WWOX: variants seen among roughly 807,000 people sequenced by gnomAD.
The protein encoded by WWOX is WW domain containing oxidoreductase, also known as WW domain-containing oxidoreductase.
Under a neutral mutation model 46.2 loss-of-function variants are expected in WWOX, and 69 were observed. That is an observed-to-expected ratio of 1.49 (90% CI 1.23 to 1.82). The LOEUF is 1.82. WWOX is among the 40% of genes most tolerant of loss of function. The pLI, the probability that WWOX is intolerant of heterozygous loss-of-function variation, is 0.00. For missense variants in WWOX, 919 were observed against 542.6 expected (o/e 1.69, Z -6.89); for synonymous variants, 359 against 202.6 (o/e 1.77, Z -6.56).
rs1329114467 is a variant in WWOX at position 78,348,291 on chromosome 16, G to A, written c.517-38569G>A. ...GAGAAGCTGGAATTTGAAAGGTTAC[G>A]TACAAGTCAAGCTGCCTCTGTAATG... On this transcript the variant is annotated intron_variant, in intron 5 of 8. Coordinates refer to ENST00000566780, the MANE Select transcript of WWOX (RefSeq NM_016373.4). Among the ~76,000 whole-genome samples the A allele has an allele frequency of 1.5e-4, 18 of 120,910 alleles. 5 individuals are homozygous for A. Among genetic ancestry groups the A allele is most frequent in the African/African-American group, 5.0e-4 (18 of 35,700 alleles). 79.3% of individuals were successfully genotyped at this position (120,910 alleles called of 152,430 possible). A position where few individuals can be genotyped will look rare whatever the true frequency, so the allele number is the denominator to read the frequency against.
chr16:78,659,435 C>A (rs1006079412), intron 8 of WWOX, among the ~76,000 whole-genome samples: 5 of 152,108 alleles, frequency 3.3e-5, no homozygotes, highest in African/African-American at 1.2e-4. Flanking sequence ...CGCCAGACTT[C>A]CTGAACCAGA....
chr16:78,594,665 G>C (rs976489844), intron 8 of WWOX, among the ~76,000 whole-genome samples: 1 of 152,018 alleles, frequency 6.6e-6, no homozygotes, highest in Non-Finnish European at 1.5e-5. Context: ...TCTCAGGGCA[G>C]CGTGGGACCT....
At chr16:78,665,440 A>G (rs963202411) in intron 8 of WWOX, among the ~76,000 whole-genome samples, 2 of 152,280 alleles carry the variant, frequency 1.3e-5, no homozygotes, top group South Asian at 2.1e-4. Context: ...ATCTGGGCAC[A>G]TGGGAAGGCC....
intron 5 of WWOX, among the ~76,000 whole-genome samples, chr16:78,337,724 G>A (rs1005456791): frequency 8.3e-6 from 1 of 121,132 alleles, no homozygotes; most frequent in African/African-American, 2.7e-5. Context: ...TTAGGCTAGA[G>A]GATCTCAGTG....
intron 5 of WWOX, among the ~76,000 whole-genome samples, chr16:78,174,374 A>G (rs1270929005): frequency 6.6e-6 from 1 of 152,096 alleles, no homozygotes; most frequent in Non-Finnish European, 1.5e-5. Flanking sequence ...ACCGGCCCCC[A>G]TGATTCAATT....
intron 8 of WWOX, among the ~76,000 whole-genome samples, chr16:78,985,404 T>C (rs1209303260): frequency 6.6e-6 from 1 of 152,078 alleles, no homozygotes; most frequent in Non-Finnish European, 1.5e-5. Flanking sequence ...AGGGTCCCCG[T>C]GCCATGAATC....
At chr16:79,074,263 C>G (rs2048607965) in intron 8 of WWOX, among the ~76,000 whole-genome samples, 1 of 151,884 alleles carries the variant, frequency 6.6e-6, no homozygotes, top group Non-Finnish European at 1.5e-5. Flanking sequence ...CATCCAGCCC[C>G]AAATGTCAGG....
chr16:78,978,703 G>C (rs2046620372), intron 8 of WWOX, among the ~76,000 whole-genome samples: 1 of 152,140 alleles, frequency 6.6e-6, no homozygotes, highest in Non-Finnish European at 1.5e-5. Context: ...GAGCAACAGA[G>C]AGCGACTGGG....
chr16:78,339,791 C>A (rs28725364), intron 5 of WWOX, among the ~76,000 whole-genome samples: 13,076 of 115,100 alleles, frequency 0.11, 3,977 homozygotes, highest in African/African-American at 0.34. Flanking sequence ...CCCTTGTGAC[C>A]GCTGTTCTCT....
chr16:79,005,786 C>A lies in WWOX; in HGVS notation c.1057-205822C>A, dbSNP rs2047178602. Among the ~76,000 whole-genome samples, 3 of 152,284 alleles carry A rather than the reference C, an allele frequency of 2.0e-5. No homozygotes were observed. In the South Asian group the frequency reaches 6.2e-4, roughly 32 times the overall value. On this transcript the variant is annotated intron_variant, in intron 8 of 8. Transcript: ENST00000566780. ...CCAAATAAGGTCACATTCTGAGGCC[C>A]TGGGTGGACATGCATTTTAGGGACC... is the stretch of plus-strand genomic sequence containing the variant.
intron 8 of WWOX, among the ~76,000 whole-genome samples, chr16:78,634,319 C>G (rs1204506670): frequency 6.6e-6 from 1 of 152,124 alleles, no homozygotes; most frequent in East Asian, 1.9e-4. Flanking sequence ...TACGCTTCAG[C>G]TCTTATTTTT....
At chr16:78,589,668 A>G (rs185652116) in intron 8 of WWOX, among the ~76,000 whole-genome samples, 1 of 152,326 alleles carries the variant, frequency 6.6e-6, no homozygotes, top group Admixed American at 6.5e-5. Context: ...TTGGGTGATA[A>G]AATACCTGGA....
chr16:78,892,524 G>T (rs912186662), intron 8 of WWOX, among the ~76,000 whole-genome samples: 31 of 152,204 alleles, frequency 2.0e-4, no homozygotes, highest in African/African-American at 7.5e-4. Context: ...GTCAAGAAGT[G>T]GGAGCTGGAC....
chr16:78,636,340 A>G (rs1006958827), intron 8 of WWOX, among the ~76,000 whole-genome samples: 2 of 152,116 alleles, frequency 1.3e-5, no homozygotes, highest in African/African-American at 4.8e-5. Context: ...CTTTGAATAA[A>G]CCAAGTTTGG....
In WWOX at chr16:78,778,455, G is replaced by T. The variant is rs891473195; in HGVS notation, c.1056+345703G>T. Among the ~76,000 whole-genome samples the T allele has an allele frequency of 5.3e-5, 8 of 152,208 alleles. No homozygotes were observed. The South Asian group carries it at 6.2e-4, about 12-fold the overall frequency. ...CAGTATGATTGATGCATGTGTTGTT[G>T]ACTGGGATGTCACATGTTCAGGCTG... On this transcript the variant is annotated intron_variant, in intron 8 of 8. Coordinates refer to ENST00000566780, the MANE Select transcript of WWOX (RefSeq NM_016373.4).
At chr16:78,865,559 G>T (rs2043985372) in intron 8 of WWOX, among the ~76,000 whole-genome samples, 1 of 152,098 alleles carries the variant, frequency 6.6e-6, no homozygotes, top group Non-Finnish European at 1.5e-5. Context: ...AATGAATTGA[G>T]GCAAGGTAGG....
At chr16:78,981,544 T>A (rs1300930035) in intron 8 of WWOX, among the ~76,000 whole-genome samples, 1 of 151,978 alleles carries the variant, frequency 6.6e-6, no homozygotes, top group East Asian at 1.9e-4. Flanking sequence ...TTCAGGTGAT[T>A]CTCCTGCCTC....
chr16:78,850,892 T>G (rs765687883), intron 8 of WWOX, among the ~76,000 whole-genome samples: 3 of 152,236 alleles, frequency 2.0e-5, no homozygotes, highest in African/African-American at 7.2e-5. Flanking sequence ...ATGGAAGATT[T>G]CTGTGATCAC....
At chr16:78,153,253 T>A (rs1541690) in intron 4 of WWOX, among the ~76,000 whole-genome samples, 119,899 of 152,046 alleles carry the variant, frequency 0.79, 47,428 homozygotes, top group East Asian at 0.9. Flanking sequence ...CGTGGTGTAC[T>A]TCTTAGAACT....
Sources: allele counts gnomAD v4.1 joint callset (sites outside exome capture counted in the v4.1 genomes callset), GRCh38; gene constraint gnomAD v4.1.1; transcripts MANE v1.5; gene names NCBI Gene and HGNC (gene_info 2026-07-23, HGNC 2026-07-21).